Variants in CENPK observed in about 807,000 individuals in gnomAD.
CENPK encodes centromere protein K, also known as SoxLZ/Sox6-binding protein Solt.
A neutral mutation model predicts 40.9 loss-of-function variants in CENPK; 46 were observed. The observed-to-expected ratio is 1.13, with a 90% CI of 0.89 to 1.44. The LOEUF is 1.44. CENPK is among the 40% of genes most tolerant of loss of function. The pLI, the probability that CENPK is intolerant of heterozygous loss-of-function variation, is 0.00. For missense variants in CENPK, 288 were observed against 303.5 expected, an observed-to-expected ratio of 0.95 and a Z score of 0.38; for synonymous variants, 107 against 104.4, an observed-to-expected ratio of 1.02 and a Z score of -0.15.
chr5:65,544,627 C>T (rs1304106374), intron 5 of CENPK, among the ~76,000 whole-genome samples: 1 of 152,086 alleles, frequency 6.6e-6, no homozygotes, highest in African/African-American at 2.4e-5. Flanking sequence ...TATGAAGCAA[C>T]CGAAGTTTCC....
chr5:65,543,263 A>C (rs1186458146), intron 5 of CENPK, among the ~76,000 whole-genome samples: 1 of 152,148 alleles, frequency 6.6e-6, no homozygotes, highest in African/African-American at 2.4e-5. Context: ...CATTTTATTT[A>C]TTTTTAACAT....
chr5:65,543,582 A>G (rs1442239040), intron 5 of CENPK, among the ~76,000 whole-genome samples: 1 of 152,230 alleles, frequency 6.6e-6, no homozygotes, highest in African/African-American at 2.4e-5. Context: ...CTAGACCTAT[A>G]TAGGTCTAAT....
At chr5:65,503,823 A>T in the CENPK span, among the ~76,000 whole-genome samples, 2 of 151,704 alleles carry the variant, frequency 1.3e-5, no homozygotes, top group Non-Finnish European at 2.9e-5. Context: ...CGCCTGGCTA[A>T]TTTTTGTATT....
At chr5:65,540,618 T>C (rs566720157) in intron 6 of CENPK, among the ~76,000 whole-genome samples, 2 of 152,202 alleles carry the variant, frequency 1.3e-5, no homozygotes, top group Admixed American at 6.5e-5. Context: ...GGCAAATGAC[T>C]TAATCAATCG....
chr5:65,538,301 G>C (rs745996358), intron 6 of CENPK, among the ~76,000 whole-genome samples: 61 of 152,176 alleles, frequency 4.0e-4, no homozygotes, highest in Non-Finnish European at 6.6e-4. Context: ...AGATGTGTAT[G>C]ATCCTTGTCT....
At chr5:65,521,976 CA>C (rs1415513564) in intron 9 of CENPK, among the ~76,000 whole-genome samples, 3 of 151,982 alleles carry the variant, frequency 2.0e-5, no homozygotes, top group African/African-American at 7.2e-5. Flanking sequence ...AATTAAGTGA[CA>C]AAAAATTCTG....
In CENPK at chr5:65,518,442, A is replaced by C. The variant is rs1743094716; in HGVS notation, c.*33T>G. 1.3e-6 allele frequency: 2 copies of C among 1,588,562 alleles called. No homozygotes were observed. The highest frequency in any genetic ancestry group is 8.6e-7 in the Non-Finnish European group (1 of 1,169,144). Reference sequence around the variant, plus strand: ...GGTTCCAATATCCTTGAATGATAAGAATTTTTACTGTGTGAAAAAAGAAAA... The same window carrying C: ...GGTTCCAATATCCTTGAATGATAAGCATTTTTACTGTGTGAAAAAAGAAAA... On this transcript the variant is annotated 3_prime_UTR_variant, in exon 11 of 11. Coordinates refer to ENST00000396679, the MANE Select transcript of CENPK (RefSeq NM_022145.5).
At position 65,528,978 on chromosome 5, in the gene CENPK, T is replaced by G. The variant is rs756212865; in HGVS notation, c.411A>C (p.Glu137Asp). Residue 137 changes from glutamate (E) to aspartate (D), a missense_variant, in exon 8 of 11, where the codon GAA (glutamate) becomes GAC (aspartate). Physicochemically the swap from Glu to Asp is conservative, Grantham distance 45 (BLOSUM62 2). Transcript: ENST00000396679. ...ATTCACTGTGTAGTACATTAAGAGA[T>G]TCCATTATCTGTTGCTGTTCATCCA... Reference protein sequence around the residue: ...RWLDEQQQIMESLNVLHSELK... With the variant: ...RWLDEQQQIMDSLNVLHSELK... The G allele has an allele frequency of 3.7e-6, 6 of 1,610,818 alleles. No individual in the cohort carries two copies. The highest frequency in any genetic ancestry group is 1.7e-4 in the Middle Eastern group (1 of 6,042).
At chr5:65,508,052 G>A in the CENPK span, among the ~76,000 whole-genome samples, 1 of 152,056 alleles carries the variant, frequency 6.6e-6, no homozygotes, top group Non-Finnish European at 1.5e-5. Flanking sequence ...TTTGATTATT[G>A]AGACATCTGA....
chr5:65,525,207 GATAGAA>G (rs1744469966), intron 9 of CENPK, among the ~76,000 whole-genome samples: 1 of 151,790 alleles, frequency 6.6e-6, no homozygotes, highest in Admixed American at 6.6e-5. Flanking sequence ...AAAAAACAAA[GATAGAA>G]AACTTAGCCA....
intron 5 of CENPK, among the ~76,000 whole-genome samples, chr5:65,546,100 T>TA (rs1387885932): frequency 6.6e-6 from 1 of 152,208 alleles, no homozygotes; most frequent in Non-Finnish European, 1.5e-5. Context: ...GCCAAGAGAT[T>TA]AAAAAGTCTG....
downstream of CENPK, among the ~76,000 whole-genome samples, chr5:65,515,366 C>A (rs977091209): frequency 3.3e-5 from 5 of 151,902 alleles, no homozygotes; most frequent in African/African-American, 1.2e-4. Flanking sequence ...TCACGCCCGG[C>A]TAATTTTTTA....
intron 6 of CENPK, among the ~76,000 whole-genome samples, chr5:65,531,508 A>T (rs974691893): frequency 2.8e-5 from 4 of 142,818 alleles, no homozygotes; most frequent in Admixed American, 1.4e-4. Flanking sequence ...CTAAAAATCT[A>T]TTTTTTTTTT....
chr5:65,508,786 T>TAAA, the CENPK span, among the ~76,000 whole-genome samples: 86 of 85,968 alleles, frequency 1.0e-3, 3 homozygotes, highest in African/African-American at 3.5e-3. Flanking sequence ...AGACTCCATC[T>TAAA]AAAAAAAAAA....
Position 65,518,332 on chromosome 5 carries a change from G to A in CENPK, c.*143C>T. ...GACCATTTAAAAATGAATAATAGAT[G>A]GCAGCACATGCCATTTTGCAATAAA... On this transcript the variant is annotated 3_prime_UTR_variant, in exon 11 of 11. Coordinates refer to ENST00000396679, the MANE Select transcript of CENPK (RefSeq NM_022145.5). 1 of 722,422 alleles carries A rather than the reference G, an allele frequency of 1.4e-6. No homozygotes were observed. Among genetic ancestry groups the A allele is most frequent in the Non-Finnish European group, 2.2e-6 (1 of 446,736 alleles). 44.8% of individuals were successfully genotyped at this position (722,422 alleles called of 1,614,324 possible). A position where few individuals can be genotyped will look rare whatever the true frequency, so the allele number is the denominator to read the frequency against.
intron 6 of CENPK, 133 bp from the exon 7 acceptor site, chr5:65,529,332 AT>A (rs1745307673): frequency 1.6e-6 from 1 of 620,898 alleles, no homozygotes; most frequent in Non-Finnish European, 2.8e-6. Context: ...AGCAGAAAGC[AT>A]TTGAAAAGGT....
chr5:65,547,946 G>A (rs1328409433), intron 5 of CENPK, among the ~76,000 whole-genome samples: 1 of 152,202 alleles, frequency 6.6e-6, no homozygotes, highest in Admixed American at 6.5e-5. Flanking sequence ...TTACAGGCAT[G>A]AGCCACAGCG....
intron 5 of CENPK, among the ~76,000 whole-genome samples, chr5:65,543,447 T>C (rs1490539979): frequency 3.3e-5 from 5 of 152,238 alleles, no homozygotes; most frequent in Non-Finnish European, 7.3e-5. Context: ...TATGTACACA[T>C]ATGTAACATA....
chr5:65,549,099 G>A (rs114508338), intron 5 of CENPK, among the ~76,000 whole-genome samples: 1,791 of 152,238 alleles, frequency 0.012, 39 homozygotes, highest in African/African-American at 0.04. Context: ...GTCCCTGGGC[G>A]GCAGAACAGA....
Sources: allele counts gnomAD v4.1 joint callset (sites outside exome capture counted in the v4.1 genomes callset), GRCh38; gene constraint gnomAD v4.1.1; transcripts MANE v1.5; gene names NCBI Gene and HGNC (gene_info 2026-07-23, HGNC 2026-07-21).